VPS13C: variants seen among roughly 807,000 people sequenced by gnomAD.
The protein encoded by VPS13C is vacuolar protein sorting 13 homolog C.
In VPS13C, 358 loss-of-function variants were observed where a neutral mutation model predicts 456.8. The observed-to-expected ratio is 0.78, with a 90% confidence interval of 0.72 to 0.86. The LOEUF is 0.86. Among genes scored for constraint, VPS13C ranks in the 40% least tolerant of loss-of-function variants. The pLI, the probability that VPS13C is intolerant of heterozygous loss-of-function variation, is 0.00. For synonymous variants in VPS13C, 1,578 were observed against 1,486.7 expected, an observed-to-expected ratio of 1.06 and a Z score of -1.41; for missense variants, 4,818 against 4,385.4, an observed-to-expected ratio of 1.10 and a Z score of -2.79.
chr15:61,944,756 T>A (rs1178431855), intron 45 of VPS13C, among the ~76,000 whole-genome samples: 1 of 152,176 alleles, frequency 6.6e-6, no homozygotes, highest in Non-Finnish European at 1.5e-5. Flanking sequence ...TGCCCATGTA[T>A]GCCCTGAATC....
At position 61,973,491 on chromosome 15, in the gene VPS13C, T is replaced by C. The variant is rs781496577; in HGVS notation, c.2580A>G (p.Leu860=). The change falls in exon 26 of 85, where the codon CTA becomes CTG. Residue 860 remains leucine (L), a synonymous_variant. Coordinates refer to ENST00000644861, the MANE Select transcript of VPS13C (RefSeq NM_020821.3). ...TGTCTAGCAATAGTGAAGTACCAAGTAGACCTTTTGTACCACCTGAAATAA... is the reference window on the plus strand; with the variant it reads ...TGTCTAGCAATAGTGAAGTACCAAGCAGACCTTTTGTACCACCTGAAATAA... The part of the protein sequence containing the change: ...IPIISGGTKG[L]LGTSLLLDTV... The C allele has an allele frequency of 5.0e-6, 8 of 1,612,770 alleles. No homozygotes were observed. The highest frequency in any genetic ancestry group is 4.4e-5 in the South Asian group (4 of 91,036).
Position 61,881,565 on chromosome 15 carries a change from G to A in VPS13C, c.9774C>T (p.Phe3258=). 6.3e-7 allele frequency: 1 copy of A among 1,599,848 alleles called. No individual in the cohort carries two copies. The highest frequency in any genetic ancestry group is 8.5e-7 in the Non-Finnish European group (1 of 1,174,646). ...RFNEYSKVLQ[F]KYFMVLIQEM... is the part of the protein sequence containing the mutation. ...AAACAGCAGGAATCTTCACTTACTT[G>A]AACTGTAAGACTTTACTGTACTCAT... The change falls in exon 71 of 85, where the codon TTC becomes TTT. Residue 3258 remains phenylalanine (F), a splice_region_variant and synonymous_variant. Transcript: ENST00000644861.
intron 27 of VPS13C, among the ~76,000 whole-genome samples, chr15:61,971,835 T>C (rs190713494): frequency 1.3e-5 from 2 of 152,304 alleles, no homozygotes; most frequent in East Asian, 1.9e-4. Flanking sequence ...CAAATACCAA[T>C]AGTACTTAGG....
intron 66 of VPS13C, among the ~76,000 whole-genome samples, chr15:61,897,217 A>G (rs1372957073): frequency 1.3e-5 from 2 of 152,222 alleles, no homozygotes; most frequent in Non-Finnish European, 2.9e-5. Context: ...AAAGGAATGC[A>G]GTTCCTCACC....
intron 68 of VPS13C, among the ~76,000 whole-genome samples, 173 bp from the exon 69 acceptor site, chr15:61,882,909 C>T (rs1895977588): frequency 6.6e-6 from 1 of 152,032 alleles, no homozygotes; most frequent in South Asian, 2.1e-4. Context: ...CACCACTTTT[C>T]TACCAGTTAT....
intron 18 of VPS13C, among the ~76,000 whole-genome samples, chr15:61,986,429 A>T (rs1317980042): frequency 3.3e-5 from 5 of 152,198 alleles, no homozygotes; most frequent in African/African-American, 9.6e-5. Flanking sequence ...TGAAGAGAGA[A>T]TTAGAGGAAA....
At chr15:61,937,928 G>A (rs1460755341) in intron 47 of VPS13C, among the ~76,000 whole-genome samples, 2 of 152,098 alleles carry the variant, frequency 1.3e-5, no homozygotes, top group Non-Finnish European at 2.9e-5. Context: ...TGGCTCCAAA[G>A]GCCTGTTTCA....
At chr15:62,030,464 G>A (rs1039423717) in intron 5 of VPS13C, among the ~76,000 whole-genome samples, 1 of 152,002 alleles carries the variant, frequency 6.6e-6, no homozygotes, top group African/African-American at 2.4e-5. Flanking sequence ...CCCTCACCAG[G>A]AGCAAGTGCC....
chr15:62,012,384 C>T (rs1388968427), intron 11 of VPS13C, among the ~76,000 whole-genome samples: 1 of 151,806 alleles, frequency 6.6e-6, no homozygotes, highest in Non-Finnish European at 1.5e-5. Flanking sequence ...TGTATGTCTA[C>T]AAACAACCTT....
chr15:61,858,360 A>ATCTATCTG lies in VPS13C; in HGVS notation c.10953-1952_10953-1951insCAGATAGA, dbSNP rs1555406444. 3.0e-5 allele frequency among the ~76,000 whole-genome samples: 4 copies of ATCTATCTG among 135,428 alleles called. No individual in the cohort carries two copies. Among genetic ancestry groups the ATCTATCTG allele is most frequent in the Non-Finnish European group, 6.2e-5 (4 of 64,120 alleles). The allele number at this position is 135,428 out of a possible 152,430, so 88.8% of individuals were successfully genotyped here. ...TATCTATCTATCTATCTATCTATCT[A>ATCTATCTG]TCTGTCTATCTATCTCCCTCCCTCC... On this transcript the variant is annotated intron_variant, in intron 82 of 84. Coordinates refer to ENST00000644861, the MANE Select transcript of VPS13C (RefSeq NM_020821.3). This position sits in a 1 kb window ranked among gnomAD's most constrained non-coding sequence, Gnocchi z 4.4.
At chr15:61,947,143 C>T (rs1198048487) in intron 43 of VPS13C, 50 bp downstream of exon 43, 1 of 1,227,536 alleles carries the variant, frequency 8.1e-7, no homozygotes, top group Non-Finnish European at 1.1e-6. Flanking sequence ...CTCATTTTTC[C>T]TAGTTATGTA....
chr15:61,959,314 T>C, intron 36 of VPS13C, 134 bp downstream of exon 36: 1 of 718,024 alleles, frequency 1.4e-6, no homozygotes, highest in Non-Finnish European at 2.1e-6. Context: ...ATAATGATCT[T>C]GTTGGACAAA....
chr15:61,913,552 A>G (rs771402744), intron 61 of VPS13C, 137 bp from the exon 62 acceptor site: 1 of 662,854 alleles, frequency 1.5e-6, no homozygotes, highest in Non-Finnish European at 2.5e-6. Flanking sequence ...GCCATATTGC[A>G]AACAGGTAAC....
At chr15:61,950,440 C>A (rs749583100) in intron 40 of VPS13C, 23 bp from the exon 41 acceptor site, 1 of 1,582,398 alleles carries the variant, frequency 6.3e-7, no homozygotes, top group Non-Finnish European at 8.7e-7. Flanking sequence ...GAGAATTACA[C>A]CACTGAGTTT....
At position 61,907,399 on chromosome 15, in the gene VPS13C, C is replaced by A. The variant is rs368942050; in HGVS notation, c.8979-9G>T. 1.8e-4 allele frequency: 291 copies of A among 1,612,574 alleles called. 1 individual carries two copies. In the African/African-American group the frequency reaches 3.5e-3, roughly 20 times the overall value. Reference sequence around the variant, plus strand: ...TTTCTTCTGGTGACCCACTAAAACACAATGAACAGAGAGAAAATCAGAATA... The same window carrying A: ...TTTCTTCTGGTGACCCACTAAAACAAAATGAACAGAGAGAAAATCAGAATA... On this transcript the variant is annotated splice_polypyrimidine_tract_variant and intron_variant, in intron 65 of 84. Coordinates refer to ENST00000644861, the MANE Select transcript of VPS13C (RefSeq NM_020821.3).
At chr15:61,856,896 T>C (rs866860994) in intron 82 of VPS13C, 37 of 156,470 alleles carry the variant, frequency 2.4e-4, no homozygotes, top group Admixed American at 5.2e-4. Context: ...GGAAATGTCA[T>C]AAACCTTAAA....
At chr15:61,934,783 C>G (rs1030407982) in intron 48 of VPS13C, among the ~76,000 whole-genome samples, 1 of 152,270 alleles carries the variant, frequency 6.6e-6, no homozygotes, top group Admixed American at 6.5e-5. Context: ...CAGAGTCTCG[C>G]TGTGTTGCCC....
chr15:61,974,900 G>A (rs753953406), intron 24 of VPS13C, among the ~76,000 whole-genome samples: 10 of 152,184 alleles, frequency 6.6e-5, no homozygotes, highest in South Asian at 2.1e-4. Context: ...TACTCACTAC[G>A]AATCACCACT....
intron 56 of VPS13C, 62 bp from the exon 57 acceptor site, chr15:61,920,393 A>T: frequency 4.0e-6 from 6 of 1,507,602 alleles, no homozygotes; most frequent in Non-Finnish European, 5.3e-6. Context: ...CCCAAAACCT[A>T]TACCATAATT....
Sources: allele counts gnomAD v4.1 joint callset (sites outside exome capture counted in the v4.1 genomes callset), GRCh38; gene constraint gnomAD v4.1.1; non-coding constraint Gnocchi (gnomAD v3.1); transcripts MANE v1.5; gene names NCBI Gene and HGNC (gene_info 2026-07-23, HGNC 2026-07-21).